Variants in CCSER1 observed in about 807,000 individuals in gnomAD.
CCSER1 encodes serine-rich coiled-coil domain-containing protein 1.
Under a neutral mutation model 82.0 loss-of-function variants are expected in CCSER1, and 41 were observed. The ratio of observed to expected loss-of-function variants is 0.50; its 90% confidence interval spans 0.39 to 0.65. The LOEUF (loss-of-function observed/expected upper bound fraction) is 0.65. CCSER1 is among the 30% of genes least tolerant of loss of function. CCSER1 has a pLI of 0.00. For synonymous variants in CCSER1, 414 were observed against 383.9 expected (o/e 1.08, Z -0.92); for missense variants, 1,119 against 1,064.2 (o/e 1.05, Z -0.72).
chr4:90,985,370 T>G, intron 9 of CCSER1, among the ~76,000 whole-genome samples: 1 of 151,762 alleles, frequency 6.6e-6, no homozygotes, highest in East Asian at 2.0e-4. Context: ...TTTTTCTTCT[T>G]TAGCGGTTAC....
chr4:91,305,126 G>A (rs1413525531), intron 10 of CCSER1, among the ~76,000 whole-genome samples: 2 of 151,892 alleles, frequency 1.3e-5, no homozygotes, highest in African/African-American at 2.4e-5. Context: ...CTATCTCAGT[G>A]TATGTCTTAT....
intron 10 of CCSER1, among the ~76,000 whole-genome samples, chr4:91,441,827 A>G (rs1755176438): frequency 8.4e-6 from 1 of 119,158 alleles, no homozygotes; most frequent in Admixed American, 8.8e-5. Flanking sequence ...TACACCAATA[A>G]CAGACACACA....
chr4:90,724,268 T>C (rs1000130809), intron 7 of CCSER1, among the ~76,000 whole-genome samples: 27 of 151,894 alleles, frequency 1.8e-4, no homozygotes, highest in African/African-American at 6.0e-4. Context: ...GAATTAGAGG[T>C]TTTAAATATT....
chr4:90,767,549 TATC>T (rs779697895), intron 7 of CCSER1, among the ~76,000 whole-genome samples: 7 of 152,236 alleles, frequency 4.6e-5, no homozygotes, highest in African/African-American at 7.2e-5. Flanking sequence ...TATTTGTTGG[TATC>T]ATTAACTGGA....
At chr4:90,605,310 C>T (rs1784553352) in intron 5 of CCSER1, among the ~76,000 whole-genome samples, 1 of 152,138 alleles carries the variant, frequency 6.6e-6, no homozygotes, top group Admixed American at 6.5e-5. Flanking sequence ...TCGGGATTGG[C>T]ACATGTTGAA....
chr4:91,313,685 G>A (rs568893229), intron 10 of CCSER1, among the ~76,000 whole-genome samples: 12 of 151,780 alleles, frequency 7.9e-5, no homozygotes, highest in African/African-American at 2.7e-4. Context: ...TTGCTTCTTG[G>A]GATTCCACCT....
rs1721512061 is a variant in CCSER1 at position 91,072,219 on chromosome 4, T to C, written c.2173-13731T>C. On this transcript the variant is annotated intron_variant, in intron 9 of 10. Transcript: ENST00000509176. ...TGCTAATCTAGTTTAATATTTTAGT[T>C]AGCCTTAAGCAACAATAATCACAGA... is the stretch of plus-strand genomic sequence containing the variant. Among the ~76,000 whole-genome samples the C allele has an allele frequency of 2.0e-5, 3 of 152,170 alleles. No homozygotes were observed. In the South Asian group the frequency reaches 6.2e-4, roughly 32 times the overall value.
At chr4:90,775,817 T>A (rs1414977969) in intron 7 of CCSER1, among the ~76,000 whole-genome samples, 1 of 152,062 alleles carries the variant, frequency 6.6e-6, no homozygotes, top group African/African-American at 2.4e-5. Flanking sequence ...AAACAGATAT[T>A]TAAAAATACG....
chr4:91,055,109 G>T (rs1743330231), intron 9 of CCSER1, among the ~76,000 whole-genome samples: 1 of 151,876 alleles, frequency 6.6e-6, no homozygotes, highest in African/African-American at 2.4e-5. Context: ...TTTTTATAAT[G>T]TTTTTATTCC....
chr4:90,534,065 A>C (rs1774966298), intron 5 of CCSER1, among the ~76,000 whole-genome samples: 1 of 152,232 alleles, frequency 6.6e-6, no homozygotes, highest in African/African-American at 2.4e-5. Context: ...TTGCTTAAGC[A>C]GTTGTTTGAT....
At chr4:90,332,915 A>T (rs993476543) in intron 3 of CCSER1, among the ~76,000 whole-genome samples, 1 of 152,184 alleles carries the variant, frequency 6.6e-6, no homozygotes, top group African/African-American at 2.4e-5. Context: ...TCTAGGCTCC[A>T]ATCCAGAACC....
intron 1 of CCSER1, among the ~76,000 whole-genome samples, chr4:90,225,604 G>A (rs568495803): frequency 6.6e-6 from 1 of 152,146 alleles, no homozygotes. Context: ...ATAAGTGCTG[G>A]AACTAGTCTT....
chr4:90,782,659 C>T (rs1753927347), intron 7 of CCSER1, among the ~76,000 whole-genome samples: 1 of 149,100 alleles, frequency 6.7e-6, no homozygotes, highest in South Asian at 2.1e-4. Flanking sequence ...AAGTCAAGGA[C>T]AGGGATTTCT....
At chr4:91,556,203 ATTTGGGACAGCTC>A (rs1762390961) in intron 10 of CCSER1, among the ~76,000 whole-genome samples, 2 of 151,248 alleles carry the variant, frequency 1.3e-5, no homozygotes, top group African/African-American at 4.9e-5. Flanking sequence ...CTTTGATCTA[ATTTGGGACAGCTC>A]ATTGACAGTT....
intron 10 of CCSER1, among the ~76,000 whole-genome samples, chr4:91,255,096 A>G (rs1168928054): frequency 6.6e-6 from 1 of 152,144 alleles, no homozygotes; most frequent in Non-Finnish European, 1.5e-5. Context: ...TGTAATATTA[A>G]TGTTGATGTT....
At chr4:91,219,364 G>A (rs936558398) in intron 10 of CCSER1, among the ~76,000 whole-genome samples, 5 of 140,600 alleles carry the variant, frequency 3.6e-5, no homozygotes, top group African/African-American at 1.3e-4. Flanking sequence ...CCCAGCTGGA[G>A]TGCAGTGGTG....
At chr4:91,046,162 C>G (rs1742467170) in intron 9 of CCSER1, among the ~76,000 whole-genome samples, 1 of 151,880 alleles carries the variant, frequency 6.6e-6, no homozygotes, top group Admixed American at 6.6e-5. Context: ...ATAATAAAAA[C>G]TGACACTTGC....
chr4:91,593,466 G>GTTTTTTTTTT (rs1308070910), intron 10 of CCSER1, among the ~76,000 whole-genome samples: 2 of 75,460 alleles, frequency 2.7e-5, no homozygotes, highest in Non-Finnish European at 5.5e-5. Flanking sequence ...TCAACCCCGT[G>GTTTTTTTTTT]CTTTTTTTTT....
At chr4:91,183,675 A>G (rs569223103) in intron 10 of CCSER1, among the ~76,000 whole-genome samples, 4 of 152,320 alleles carry the variant, frequency 2.6e-5, no homozygotes, top group African/African-American at 7.2e-5. Context: ...AAGCTACTCT[A>G]CTAAGTCCTG....
Sources: gnomAD v4.1 joint callset for allele counts (sites outside exome capture counted in the v4.1 genomes callset) on GRCh38, gnomAD v4.1.1 for gene constraint, MANE v1.5 for transcripts, NCBI Gene and HGNC (gene_info 2026-07-23, HGNC 2026-07-21) for gene names.